Variants in CNTN5 observed in about 807,000 individuals in gnomAD.
The protein encoded by CNTN5 is contactin-5.
Under a neutral mutation model 129.1 loss-of-function variants are expected in CNTN5, and 77 were observed. The ratio of observed to expected loss-of-function variants is 0.60; its 90% CI spans 0.50 to 0.72. The LOEUF (loss-of-function observed/expected upper bound fraction) is 0.72. CNTN5 is among the 30% of genes least tolerant of loss of function. The pLI, the probability that CNTN5 is intolerant of heterozygous loss-of-function variation, is 0.00. For synonymous variants in CNTN5, 509 were observed against 465.6 expected (o/e 1.09, Z -1.20); for missense variants, 1,478 against 1,328.8 (o/e 1.11, Z -1.75).
intron 1 of CNTN5, among the ~76,000 whole-genome samples, chr11:99,023,351 A>G (rs1213274260): frequency 6.6e-6 from 1 of 152,146 alleles, no homozygotes; most frequent in African/African-American, 2.4e-5. Context: ...TGTCTCTTTT[A>G]CTTCACAGTT....
intron 13 of CNTN5, among the ~76,000 whole-genome samples, chr11:100,187,971 G>A (rs1289863436): frequency 1.3e-5 from 2 of 152,116 alleles, no homozygotes; most frequent in African/African-American, 4.8e-5. Context: ...CTTCTGCAGA[G>A]CAAAAGAAAA....
At chr11:99,598,962 T>C (rs1005084410) in intron 3 of CNTN5, among the ~76,000 whole-genome samples, 3 of 152,162 alleles carry the variant, frequency 2.0e-5, no homozygotes, top group Middle Eastern at 3.2e-3. Flanking sequence ...ATGTCTTTAA[T>C]AATGTCTTTT....
chr11:99,106,197 C>T (rs771298076), intron 1 of CNTN5, among the ~76,000 whole-genome samples: 16 of 152,008 alleles, frequency 1.1e-4, no homozygotes, highest in Non-Finnish European at 2.1e-4. Flanking sequence ...CATGATGTCA[C>T]ACTTAAAATT....
chr11:99,228,366 T>C (rs528582582), intron 1 of CNTN5, among the ~76,000 whole-genome samples: 3 of 152,162 alleles, frequency 2.0e-5, no homozygotes, highest in Admixed American at 1.3e-4. Context: ...CAAAGAAAGA[T>C]TGGTTAACAG....
intron 1 of CNTN5, among the ~76,000 whole-genome samples, chr11:99,141,375 T>C (rs1859506265): frequency 6.6e-6 from 1 of 152,166 alleles, no homozygotes; most frequent in African/African-American, 2.4e-5. Flanking sequence ...CTCTTCTTTG[T>C]CATTTCTCAT....
At chr11:99,035,337 G>A (rs920475642) in intron 1 of CNTN5, among the ~76,000 whole-genome samples, 3 of 151,806 alleles carry the variant, frequency 2.0e-5, no homozygotes, top group African/African-American at 4.8e-5. Context: ...TTGACTTTCT[G>A]TCTCGTTGAT....
At chr11:100,179,046 A>T (rs570058196) in intron 13 of CNTN5, among the ~76,000 whole-genome samples, 1 of 152,096 alleles carries the variant, frequency 6.6e-6, no homozygotes, top group Non-Finnish European at 1.5e-5. Context: ...CAGGGCAAGC[A>T]CTCATCATTT....
chr11:100,096,337 C>T (rs200791110), intron 13 of CNTN5, among the ~76,000 whole-genome samples: 3 of 151,956 alleles, frequency 2.0e-5, no homozygotes, highest in South Asian at 4.2e-4. Flanking sequence ...TAAAAGAGAT[C>T]GCGCTTTCAA....
At position 99,590,102 on chromosome 11, in the gene CNTN5, T is replaced by C. The variant is rs141389707; in HGVS notation, c.55+33833T>C. Among the ~76,000 whole-genome samples, 1,291 of 152,054 alleles carry C rather than the reference T, an allele frequency of 8.5e-3. 11 individuals carry two copies. Among genetic ancestry groups the C allele is most frequent in the Middle Eastern group, 0.014 (4 of 292 alleles). ...GGAAGATAAACATCATGAGCAGAGA[T>C]GAACAGGCCTCTATGTAAGCGGAAG... On this transcript the variant is annotated intron_variant, in intron 3 of 24. Coordinates refer to ENST00000524871, the MANE Select transcript of CNTN5 (RefSeq NM_014361.4).
At chr11:100,306,341 G>C (rs1951349265) in intron 20 of CNTN5, among the ~76,000 whole-genome samples, 1 of 151,616 alleles carries the variant, frequency 6.6e-6, no homozygotes, top group Non-Finnish European at 1.5e-5. Context: ...AAAGTTGATA[G>C]AGAAATAATT....
Position 99,956,929 on chromosome 11 carries a change from G to A in CNTN5, c.797G>A (p.Ser266Asn). The A allele has an allele frequency of 6.2e-7, 1 of 1,613,876 alleles. No individual in the cohort carries two copies. Among genetic ancestry groups the A allele is most frequent in the African/African-American group, 1.3e-5 (1 of 75,032 alleles). ...AAAGTCCAAACATCAGATGTTGGCA[G>A]CTATATTTGTCTGGTGAAAAACACA... ...ISKVQTSDVG[S>N]YICLVKNTVT... Residue 266 changes from serine (S) to asparagine (N), a missense_variant, in exon 8 of 25, where the codon AGC (serine) becomes AAC (asparagine). Transcript: ENST00000524871.
chr11:99,882,071 C>T (rs1397222305), intron 6 of CNTN5, among the ~76,000 whole-genome samples: 1 of 152,108 alleles, frequency 6.6e-6, no homozygotes, highest in Non-Finnish European at 1.5e-5. Flanking sequence ...TGACACAAAG[C>T]CATCTCAGCC....
At chr11:99,715,702 C>A (rs780413661) in intron 3 of CNTN5, among the ~76,000 whole-genome samples, 1 of 151,842 alleles carries the variant, frequency 6.6e-6, no homozygotes, top group South Asian at 2.1e-4. Flanking sequence ...CTGGGAAGAT[C>A]TAAAAGCATT....
intron 3 of CNTN5, among the ~76,000 whole-genome samples, chr11:99,744,490 A>C (rs1237010560): frequency 1.4e-5 from 2 of 141,180 alleles, no homozygotes; most frequent in African/African-American, 2.6e-5. Context: ...ACTTGAGCCC[A>C]GGAGTTAGCG....
chr11:100,091,541 G>T (rs941754664), intron 13 of CNTN5, among the ~76,000 whole-genome samples: 8 of 144,614 alleles, frequency 5.5e-5, no homozygotes, highest in Non-Finnish European at 1.2e-4. Context: ...TGATTCTCCT[G>T]CCTCAACCTC....
chr11:99,991,949 T>C (rs1939131342), intron 8 of CNTN5, among the ~76,000 whole-genome samples: 2 of 152,128 alleles, frequency 1.3e-5, no homozygotes, highest in Admixed American at 1.3e-4. Context: ...TAAAACCTAT[T>C]CAGGAATACA....
At chr11:100,055,674 T>A (rs1363393582) in intron 9 of CNTN5, among the ~76,000 whole-genome samples, 1 of 151,656 alleles carries the variant, frequency 6.6e-6, no homozygotes, top group Non-Finnish European at 1.5e-5. Context: ...CTAATCATTG[T>A]TATTTTGTAA....
chr11:99,258,758 A>G (rs939979526), intron 1 of CNTN5, among the ~76,000 whole-genome samples: 12 of 151,952 alleles, frequency 7.9e-5, no homozygotes, highest in African/African-American at 2.7e-4. Flanking sequence ...ATAAAAAAGA[A>G]AATTATTAGG....
At chr11:99,828,481 C>T (rs1374351875) in intron 4 of CNTN5, among the ~76,000 whole-genome samples, 3 of 152,122 alleles carry the variant, frequency 2.0e-5, no homozygotes, top group Non-Finnish European at 4.4e-5. Context: ...AATGCAATTG[C>T]AACAATAATG....
Sources: gnomAD v4.1 joint callset for allele counts (sites outside exome capture counted in the v4.1 genomes callset) on GRCh38, gnomAD v4.1.1 for gene constraint, MANE v1.5 for transcripts, NCBI Gene and HGNC (gene_info 2026-07-23, HGNC 2026-07-21) for gene names.